SSU72L6: variants seen among roughly 807,000 people sequenced by gnomAD.
SSU72L6 encodes SSU72 like 6.
the SSU72L6 span, among the ~76,000 whole-genome samples, chr7:124,477,429 G>T: frequency 6.6e-6 from 1 of 151,564 alleles, no homozygotes; most frequent in Non-Finnish European, 1.5e-5. Flanking sequence ...CCAATGGAGT[G>T]TGGTATATTA....
the SSU72L6 span, chr7:124,476,705 A>G: frequency 1.3e-6 from 1 of 780,698 alleles, no homozygotes; most frequent in South Asian, 1.3e-5. Context: ...TTTACCTGTG[A>G]GGAGCGTGTC....
chr7:124,477,213 A>C, the SSU72L6 span, among the ~76,000 whole-genome samples: 1 of 152,228 alleles, frequency 6.6e-6, no homozygotes, highest in Non-Finnish European at 1.5e-5. Context: ...TAATGCTTAT[A>C]TTATTCTACA....
chr7:124,477,105 A>C, the SSU72L6 span: 4 of 591,452 alleles, frequency 6.8e-6, no homozygotes, highest in Admixed American at 3.1e-5. Context: ...GACTATTACC[A>C]AGAAAATATT....
At chr7:124,476,938 A>C in the SSU72L6 span, 2 of 757,630 alleles carry the variant, frequency 2.6e-6, no homozygotes, top group Admixed American at 3.4e-5. Context: ...CTTTCTTCAC[A>C]CCGTCTGCTT....
At chr7:124,476,429 T>C in the SSU72L6 span, 12 of 779,722 alleles carry the variant, frequency 1.5e-5, no homozygotes, top group Non-Finnish European at 2.4e-5. Context: ...AACAGGAGCA[T>C]GGAGGCCCAC....
the SSU72L6 span, chr7:124,476,608 G>A: frequency 2.6e-6 from 2 of 780,656 alleles, no homozygotes; most frequent in African/African-American, 3.4e-5. Flanking sequence ...CACCCACAAT[G>A]GAATCTTACA....
chr7:124,476,738 T>C, the SSU72L6 span: 5 of 780,576 alleles, frequency 6.4e-6, no homozygotes, highest in Non-Finnish European at 9.6e-6. Context: ...GTGGAAGATC[T>C]GTGTTCCAGA....
chr7:124,476,411 G>A, the SSU72L6 span: 1 of 779,362 alleles, frequency 1.3e-6, no homozygotes, highest in Non-Finnish European at 2.4e-6. Context: ...GTGTGTGTGA[G>A]CAACATCAAC....
the SSU72L6 span, chr7:124,476,362 GCCA>G: frequency 1.3e-6 from 1 of 767,838 alleles, no homozygotes; most frequent in Non-Finnish European, 2.4e-6. Flanking sequence ...GTTCCCAGTG[GCCA>G]CCATCATGCT....
the SSU72L6 span, chr7:124,476,746 A>G: frequency 1.3e-6 from 1 of 780,680 alleles, no homozygotes; most frequent in Non-Finnish European, 2.4e-6. Context: ...TCTGTGTTCC[A>G]GAGAACAGCA....
chr7:124,476,627 G>T, the SSU72L6 span: 2 of 780,564 alleles, frequency 2.6e-6, no homozygotes, highest in African/African-American at 1.7e-5. Flanking sequence ...CACATCTTGG[G>T]AAGAAATGAG....
the SSU72L6 span, chr7:124,476,366 C>T: frequency 6.5e-6 from 5 of 770,562 alleles, no homozygotes; most frequent in Non-Finnish European, 9.7e-6. Flanking sequence ...CCAGTGGCCA[C>T]CATCATGCTC....
the SSU72L6 span, chr7:124,477,027 A>G: frequency 1.6e-6 from 1 of 633,170 alleles, no homozygotes; most frequent in South Asian, 1.8e-5. Flanking sequence ...ATTGATTGTG[A>G]GAAGTATCTA....
the SSU72L6 span, chr7:124,476,323 G>GCC: frequency 1.4e-6 from 1 of 716,114 alleles, no homozygotes; most frequent in South Asian, 1.5e-5. Flanking sequence ...CAGAGTCCCT[G>GCC]CAGCAGCTGA....
At chr7:124,476,985 G>A in the SSU72L6 span, 12 of 697,464 alleles carry the variant, frequency 1.7e-5, no homozygotes, top group East Asian at 5.2e-5. Context: ...CTCCTTCCTC[G>A]GTAAGAACTT....
chr7:124,476,692 A>T, the SSU72L6 span: 1 of 780,696 alleles, frequency 1.3e-6, no homozygotes, highest in Non-Finnish European at 2.4e-6. Flanking sequence ...CTTTGATGTC[A>T]TCTTTACCTG....
At chr7:124,477,438 T>C in the SSU72L6 span, among the ~76,000 whole-genome samples, 3 of 151,986 alleles carry the variant, frequency 2.0e-5, no homozygotes, top group African/African-American at 7.2e-5. Flanking sequence ...TGTGGTATAT[T>C]AACTTAAATG....
chr7:124,477,624 TAAATG>T, the SSU72L6 span, among the ~76,000 whole-genome samples: 1 of 146,676 alleles, frequency 6.8e-6, no homozygotes, highest in Non-Finnish European at 1.5e-5. Flanking sequence ...GTCATCAAAT[TAAATG>T]AAATAAAAAA....
chr7:124,477,342 C>G, the SSU72L6 span, among the ~76,000 whole-genome samples: 14 of 151,798 alleles, frequency 9.2e-5, no homozygotes, highest in Admixed American at 8.5e-4. Context: ...TATAGATAAG[C>G]ACCTTTTAAA....
Sources: gnomAD v4.1 joint callset for allele counts (sites outside exome capture counted in the v4.1 genomes callset) on GRCh38, gnomAD v4.1.1 for gene constraint, MANE v1.5 for transcripts, NCBI Gene and HGNC (gene_info 2026-07-23, HGNC 2026-07-21) for gene names.